Variants in UPF2 observed in about 807,000 individuals in gnomAD.
UPF2 encodes UPF2 regulator of nonsense mediated mRNA decay.
UPF2 carries 17 observed loss-of-function variants against 141.4 expected under a neutral mutation model. That is an observed-to-expected ratio of 0.12 (90% CI 0.08 to 0.18). The LOEUF (loss-of-function observed/expected upper bound fraction) is 0.18, where lower values mean the gene tolerates loss of function less well. Among genes scored for constraint, UPF2 ranks in the 10% least tolerant of loss-of-function variants. The pLI, the probability that UPF2 is intolerant of heterozygous loss-of-function variation, is 1.00. For missense variants in UPF2, 1,152 were observed against 1,515.9 expected (o/e 0.76, Z 3.99); for synonymous variants, 540 against 498.0 (o/e 1.08, Z -1.12).
intron 12 of UPF2, among the ~76,000 whole-genome samples, chr10:11,958,535 A>G (rs535302362): frequency 6.6e-6 from 1 of 152,364 alleles, no homozygotes; most frequent in East Asian, 1.9e-4. Context: ...AACCTGCAAC[A>G]TCATTCCTTA....
At chr10:11,970,440 T>C (rs962282059) in intron 9 of UPF2, among the ~76,000 whole-genome samples, 2 of 152,108 alleles carry the variant, frequency 1.3e-5, no homozygotes, top group Non-Finnish European at 2.9e-5. Flanking sequence ...CTTTTTTTTT[T>C]ACTTTAAATG....
intron 16 of UPF2, among the ~76,000 whole-genome samples, chr10:11,947,629 C>T (rs1833018445): frequency 6.7e-6 from 1 of 149,928 alleles, no homozygotes; most frequent in Admixed American, 6.6e-5. Context: ...CAAAAAAACC[C>T]CAAAATAATT....
chr10:11,963,948 A>G, intron 11 of UPF2, 61 bp downstream of exon 11: 1 of 1,216,344 alleles, frequency 8.2e-7, no homozygotes, highest in South Asian at 1.4e-5. Flanking sequence ...AATATTTTCA[A>G]CCTCTGAAGC....
Position 11,971,932 on chromosome 10 carries a change from C to A in UPF2, c.1954-4478G>T, listed in dbSNP as rs1833424585. Among the ~76,000 whole-genome samples the A allele has an allele frequency of 3.9e-5, 6 of 152,010 alleles. No homozygotes were observed. The South Asian group carries it at 1.2e-3, about 32-fold the overall frequency. ...TACAAAAATTGGCCAGGTATGGTGG[C>A]CTGTGCCTGTAGTCCCAGCTACTTG... is the stretch of plus-strand genomic sequence containing the variant. On this transcript the variant is annotated intron_variant, in intron 9 of 21. Coordinates refer to ENST00000357604, the MANE Select transcript of UPF2 (RefSeq NM_015542.4).
At chr10:11,961,560 G>C (rs1833242015) in intron 11 of UPF2, among the ~76,000 whole-genome samples, 1 of 152,094 alleles carries the variant, frequency 6.6e-6, no homozygotes, top group African/African-American at 2.4e-5. Flanking sequence ...AGGTGAGAAG[G>C]CTGGGTTTAA....
At chr10:12,038,735 AC>A (rs1222446017) in intron 1 of UPF2, among the ~76,000 whole-genome samples, 6 of 151,620 alleles carry the variant, frequency 4.0e-5, no homozygotes, top group African/African-American at 1.5e-4. Flanking sequence ...TCTCAAAAAT[AC>A]AAAAAAAAAC....
At chr10:11,934,799 A>C (rs1311084797) in intron 19 of UPF2, among the ~76,000 whole-genome samples, 2 of 152,156 alleles carry the variant, frequency 1.3e-5, no homozygotes, top group Non-Finnish European at 2.9e-5. Context: ...TATGTTGGTC[A>C]GGCTGGTCTT....
chr10:11,921,397 C>A lies in UPF2; in HGVS notation c.3810-90G>T, dbSNP rs1832642851. 3.3e-6 allele frequency: 5 copies of A among 1,525,442 alleles called. No individual in the cohort carries two copies. In the East Asian group the frequency reaches 1.1e-4, roughly 34 times the overall value. The allele number at this position is 1,525,442 out of a possible 1,614,324, so 94.5% of individuals were successfully genotyped here. On this transcript the variant is annotated intron_variant, in intron 21 of 21. Transcript: ENST00000357604. The surrounding 1 kb of genome is among the most constrained non-coding windows in gnomAD (Gnocchi z 5.9). ...CGTCTGCAACGCTACCCACCACCAC[C>A]AAGTCACTCCCCCAAGTTACAGGTG...
chr10:11,926,423 CAGA>C (rs1398043806), intron 21 of UPF2, among the ~76,000 whole-genome samples: 2 of 152,088 alleles, frequency 1.3e-5, no homozygotes, highest in East Asian at 3.9e-4. Context: ...TTTGAGAGTG[CAGA>C]AGGAGAAGAG....
At chr10:11,933,058 A>G (rs2131155189) in intron 19 of UPF2, among the ~76,000 whole-genome samples, 1 of 152,330 alleles carries the variant, frequency 6.6e-6, no homozygotes, top group Admixed American at 6.5e-5. Context: ...GAAAAAAATA[A>G]ATGGCTAAAA....
intron 18 of UPF2, among the ~76,000 whole-genome samples, chr10:11,942,280 C>T (rs555978191): frequency 1.3e-5 from 2 of 151,982 alleles, no homozygotes; most frequent in East Asian, 3.9e-4. Context: ...GGCTGAGGCA[C>T]AAGAACTGCT....
At chr10:12,010,046 G>A (rs1465412157) in intron 4 of UPF2, among the ~76,000 whole-genome samples, 1 of 152,158 alleles carries the variant, frequency 6.6e-6, no homozygotes, top group Non-Finnish European at 1.5e-5. Context: ...ATCAGAAAAA[G>A]TCCAGAAAGA....
chr10:11,991,708 A>G, intron 8 of UPF2, among the ~76,000 whole-genome samples: 1 of 152,198 alleles, frequency 6.6e-6, no homozygotes. Flanking sequence ...CACCTACATG[A>G]TATTTAGGGT....
chr10:11,955,535 C>A, intron 13 of UPF2, 28 bp from the exon 14 acceptor site: 1 of 1,586,228 alleles, frequency 6.3e-7, no homozygotes, highest in South Asian at 1.2e-5. Context: ...CACAGATTTT[C>A]ATTAAAGAGG....
At position 11,939,480 on chromosome 10, in the gene UPF2, T is replaced by C. The variant is rs1832909359; in HGVS notation, c.3379-2768A>G. Reference sequence around the variant, plus strand: ...CTTCTCCATTTCATTAATCTGTTCCTGTATCAAACTATTATTGTCAGTTTA... The same window carrying C: ...CTTCTCCATTTCATTAATCTGTTCCCGTATCAAACTATTATTGTCAGTTTA... On this transcript the variant is annotated intron_variant, in intron 18 of 21. Transcript: ENST00000357604. This position sits in a 1 kb window ranked among gnomAD's most constrained non-coding sequence, Gnocchi z 4.8. Among the ~76,000 whole-genome samples, 1 of 152,090 alleles carries C rather than the reference T, an allele frequency of 6.6e-6. No individual in the cohort carries two copies. The highest frequency in any genetic ancestry group is 1.5e-5 in the Non-Finnish European group (1 of 68,022).
intron 10 of UPF2, among the ~76,000 whole-genome samples, chr10:11,964,408 C>T (rs564698189): frequency 9.2e-5 from 14 of 152,334 alleles, no homozygotes; most frequent in Non-Finnish European, 1.5e-4. Context: ...GCCACATACA[C>T]AGCAGACATT....
rs1444342753 is a variant in UPF2 at position 12,042,346 on chromosome 10, C to CG, written c.-19+408dup. 6.6e-6 allele frequency among the ~76,000 whole-genome samples: 1 copy of CG among 152,142 alleles called. No individual in the cohort carries two copies. Among genetic ancestry groups the CG allele is most frequent in the Non-Finnish European group, 1.5e-5 (1 of 68,000 alleles). On this transcript the variant is annotated intron_variant, in intron 1 of 21. Coordinates refer to ENST00000357604, the MANE Select transcript of UPF2 (RefSeq NM_015542.4). This position sits in a 1 kb window ranked among gnomAD's most constrained non-coding sequence, Gnocchi z 5.5. ...TCCCCACTCCGCAGCCTCCCACACA[C>CG]GCGCCCTCCCCACTTTCTCGCCCTC...
At position 11,979,906 on chromosome 10, in the gene UPF2, C is replaced by T. The variant is rs376370141; in HGVS notation, c.1845-741G>A. ...GGTGACAAAGCAAGACTCCATCAAA[C>T]GAATGAATGAATGAATGAATGGTAC... is the stretch of plus-strand genomic sequence containing the variant. On this transcript the variant is annotated intron_variant, in intron 8 of 21. Transcript: ENST00000357604. This position sits in a 1 kb window ranked among gnomAD's most constrained non-coding sequence, Gnocchi z 6.2. Among the ~76,000 whole-genome samples the T allele has an allele frequency of 9.9e-5, 15 of 151,940 alleles. No homozygotes were observed. Among genetic ancestry groups the T allele is most frequent in the Non-Finnish European group, 1.9e-4 (13 of 67,976 alleles).
chr10:11,934,804 G>C (rs573442173), intron 19 of UPF2, among the ~76,000 whole-genome samples: 8 of 152,092 alleles, frequency 5.3e-5, no homozygotes, highest in Non-Finnish European at 1.0e-4. Flanking sequence ...TGGTCAGGCT[G>C]GTCTTGAATC....
Sources: allele counts gnomAD v4.1 joint callset (sites outside exome capture counted in the v4.1 genomes callset), GRCh38; gene constraint gnomAD v4.1.1; non-coding constraint Gnocchi (gnomAD v3.1); transcripts MANE v1.5; gene names NCBI Gene and HGNC (gene_info 2026-07-23, HGNC 2026-07-21).